The following DOCK8 variants were observed in gnomAD, a reference collection of about 807,000 sequenced individuals.
DOCK8 encodes the protein dedicator of cytokinesis protein 8.
DOCK8 carries 141 observed loss-of-function variants against 245.6 expected under a neutral mutation model. The observed-to-expected ratio is 0.57, with a 90% CI of 0.50 to 0.66. The LOEUF is 0.66. DOCK8 is among the 30% of genes least tolerant of loss of function. The pLI, the probability that DOCK8 is intolerant of heterozygous loss-of-function variation, is 0.00. For synonymous variants in DOCK8, 1,168 were observed against 970.2 expected (o/e 1.20, Z -3.79); for missense variants, 2,965 against 2,603.4 (o/e 1.14, Z -3.02).
chr9:265,224 G>T (rs775296012), intron 1 of DOCK8, among the ~76,000 whole-genome samples: 9 of 142,422 alleles, frequency 6.3e-5, no homozygotes, highest in South Asian at 2.4e-4. Context: ...GAGCCACCGT[G>T]CCCGGCCTAA....
At chr9:439,590 T>C (rs1193551761) in intron 40 of DOCK8, among the ~76,000 whole-genome samples, 1 of 152,214 alleles carries the variant, frequency 6.6e-6, no homozygotes, top group Non-Finnish European at 1.5e-5. Context: ...GAGATAACCT[T>C]TCATCACAGT....
At chr9:354,486 G>A (rs2131044144) in intron 14 of DOCK8, among the ~76,000 whole-genome samples, 1 of 152,266 alleles carries the variant, frequency 6.6e-6, no homozygotes, top group African/African-American at 2.4e-5. Flanking sequence ...ATCTATTGCT[G>A]TATAACAAAA....
chr9:421,497 T>C (rs2056277988), intron 32 of DOCK8, among the ~76,000 whole-genome samples: 1 of 152,158 alleles, frequency 6.6e-6, no homozygotes, highest in Admixed American at 6.5e-5. Context: ...AGGGCACTAT[T>C]AGAATGGAAC....
intron 4 of DOCK8, among the ~76,000 whole-genome samples, chr9:294,724 C>A (rs2049182013): frequency 6.6e-6 from 1 of 152,128 alleles, no homozygotes; most frequent in Non-Finnish European, 1.5e-5. Context: ...GGAAGAAAAC[C>A]CAGATTGTAC....
At chr9:317,952 G>T (rs1192818460) in intron 7 of DOCK8, among the ~76,000 whole-genome samples, 1 of 141,834 alleles carries the variant, frequency 7.1e-6, no homozygotes, top group African/African-American at 2.7e-5. Context: ...GCATCCAAAC[G>T]TTTCAATTGT....
At chr9:304,744 C>A (rs2049733772) in intron 5 of DOCK8, 40 bp downstream of exon 5, 1 of 1,613,856 alleles carries the variant, frequency 6.2e-7, no homozygotes, top group East Asian at 2.2e-5. Flanking sequence ...GGTTACTGGG[C>A]TCTTCTGCCC....
intron 39 of DOCK8, among the ~76,000 whole-genome samples, chr9:436,909 A>G (rs1319492733): frequency 6.6e-6 from 1 of 152,206 alleles, no homozygotes; most frequent in Non-Finnish European, 1.5e-5. Context: ...TATTGTGAGC[A>G]TTTATGGTCC....
At chr9:318,207 C>T (rs4294238) in intron 7 of DOCK8, among the ~76,000 whole-genome samples, 29,120 of 152,138 alleles carry the variant, frequency 0.19, 3,032 homozygotes, top group Non-Finnish European at 0.22. Flanking sequence ...TCCTTCAAAT[C>T]CACAGATGAA....
intron 14 of DOCK8, among the ~76,000 whole-genome samples, chr9:352,740 C>CAAGAAA (rs369752899): frequency 7.1e-6 from 1 of 141,466 alleles, no homozygotes; most frequent in Admixed American, 7.0e-5. Flanking sequence ...GACTCTGTCT[C>CAAGAAA]AAAAAAAAAG....
At chr9:217,998 A>G (rs1446349069) in intron 1 of DOCK8, among the ~76,000 whole-genome samples, 2 of 152,238 alleles carry the variant, frequency 1.3e-5, no homozygotes, top group Non-Finnish European at 2.9e-5. Flanking sequence ...TTTTTAAAAA[A>G]TCATCATTTT....
chr9:391,023 C>G (rs1331817717), intron 24 of DOCK8, among the ~76,000 whole-genome samples: 1 of 152,142 alleles, frequency 6.6e-6, no homozygotes, highest in Non-Finnish European at 1.5e-5. Flanking sequence ...TTGTTTTCCT[C>G]CCTCTCTAAC....
At chr9:290,677 G>A (rs1273360464) in intron 4 of DOCK8, among the ~76,000 whole-genome samples, 1 of 152,160 alleles carries the variant, frequency 6.6e-6, no homozygotes, top group East Asian at 1.9e-4. Context: ...TACCTGTTGG[G>A]GAGTGAGATG....
intron 45 of DOCK8, 104 bp from the exon 46 acceptor site, chr9:451,894 CATATACATATACA>C: frequency 1.2e-4 from 5 of 40,722 alleles, no homozygotes; most frequent in Non-Finnish European, 3.4e-4. Context: ...CATATATATG[CATATACATATACA>C]TATGCATATA....
At chr9:457,773 C>T (rs1033829831) in intron 46 of DOCK8, among the ~76,000 whole-genome samples, 6 of 152,218 alleles carry the variant, frequency 3.9e-5, no homozygotes, top group African/African-American at 1.4e-4. Context: ...TAGCCTGGGT[C>T]TGTCAGGCAT....
intron 1 of DOCK8, 98 bp from the exon 2 acceptor site, chr9:271,529 G>A: frequency 1.0e-6 from 1 of 954,924 alleles, no homozygotes; most frequent in East Asian, 2.6e-5. Flanking sequence ...GCCCAGCCAA[G>A]GCCTACGTTT....
chr9:360,752 C>T (rs2052689394), intron 14 of DOCK8, among the ~76,000 whole-genome samples: 1 of 152,078 alleles, frequency 6.6e-6, no homozygotes, highest in Admixed American at 6.6e-5. Flanking sequence ...CTTAAATGGC[C>T]CTGTCCAAAC....
intron 6 of DOCK8, among the ~76,000 whole-genome samples, chr9:316,402 A>C (rs2050349043): frequency 6.6e-6 from 1 of 152,226 alleles, no homozygotes; most frequent in African/African-American, 2.4e-5. Flanking sequence ...TTAAGTGTTT[A>C]GTTTCTGTGC....
At chr9:397,906 C>T (rs546542120) in intron 25 of DOCK8, among the ~76,000 whole-genome samples, 6 of 152,232 alleles carry the variant, frequency 3.9e-5, no homozygotes, top group East Asian at 1.9e-4. Flanking sequence ...ACTATTCTTG[C>T]ACCTTTTCTG....
chr9:368,328 CG>C, intron 15 of DOCK8, 193 bp downstream of exon 15: 1 of 732,160 alleles, frequency 1.4e-6, no homozygotes. Flanking sequence ...ATCTCTTTCT[CG>C]GCTTATTCTG....
Sources: allele counts gnomAD v4.1 joint callset (sites outside exome capture counted in the v4.1 genomes callset), GRCh38; gene constraint gnomAD v4.1.1; transcripts MANE v1.5; gene names NCBI Gene and HGNC (gene_info 2026-07-23, HGNC 2026-07-21).